The following SLA2 variants were observed in gnomAD, a reference collection of about 807,000 sequenced individuals.
SLA2 encodes the protein Src like adaptor 2, also known as src-like-adapter 2.
Under a neutral mutation model 27.3 loss-of-function variants are expected in SLA2, and 22 were observed. The observed-to-expected ratio is 0.81, with a 90% CI of 0.58 to 1.15. The LOEUF is 1.15. Among genes scored for constraint, SLA2 ranks in the 50% most tolerant of loss-of-function variants. The pLI is 0.00. For missense variants in SLA2, 304 were observed against 322.2 expected, an observed-to-expected ratio of 0.94 and a Z score of 0.43; for synonymous variants, 131 against 137.8, an observed-to-expected ratio of 0.95 and a Z score of 0.34.
Position 36,634,572 on chromosome 20 carries a change from C to T in SLA2, c.109G>A (p.Ala37Thr). The change falls in exon 3 of 8, where the codon GCC becomes ACC. Residue 37 changes from alanine (A) to threonine (T), a missense_variant. Physicochemically the swap from Ala to Thr is moderately conservative, Grantham distance 58. Coordinates refer to ENST00000262866, the MANE Select transcript of SLA2 (RefSeq NM_032214.4). ...TMEAERSKAT[A>T]VALGSFPAGG... ...GCCGGGAAACTGCCCAGGGCCACGG[C>T]TGTGGCCTTGCTTCTCTCTAGATGG... The T allele has an allele frequency of 6.2e-7, 1 of 1,607,884 alleles. No homozygotes were observed. The highest frequency in any genetic ancestry group is 8.5e-7 in the Non-Finnish European group (1 of 1,176,156).
chr20:36,614,798 A>C, intron 6 of SLA2: 2 of 985,394 alleles, frequency 2.0e-6, no homozygotes, highest in Non-Finnish European at 2.4e-6. Flanking sequence ...TTTTCACAAG[A>C]GTGCTCTTCC....
chr20:36,615,411 C>T, intron 5 of SLA2, 37 bp from the exon 6 acceptor site: 1 of 1,611,062 alleles, frequency 6.2e-7, no homozygotes, highest in Non-Finnish European at 8.5e-7. Context: ...CACTGAGGCC[C>T]TGCTGGGACT....
chr20:36,629,350 C>T (rs1051644350), intron 5 of SLA2, among the ~76,000 whole-genome samples: 1 of 150,984 alleles, frequency 6.6e-6, no homozygotes. Context: ...TCATGGATCC[C>T]GCTGGGCGCG....
At position 36,633,538 on chromosome 20, in the gene SLA2, C is replaced by T; in HGVS notation, c.278+5G>A. The T allele has an allele frequency of 1.2e-6, 2 of 1,613,374 alleles. No individual in the cohort carries two copies. Among genetic ancestry groups the T allele is most frequent in the Non-Finnish European group, 1.7e-6 (2 of 1,179,354 alleles). On this transcript the variant is annotated splice_donor_5th_base_variant and intron_variant, in intron 4 of 7. Transcript: ENST00000262866. ...CTGCAAGGCGGGCCTGGGGTGGGAACTCACCCATGGGAGACTTTGGCCACG... is the reference window on the plus strand; with the variant it reads ...CTGCAAGGCGGGCCTGGGGTGGGAATTCACCCATGGGAGACTTTGGCCACG...
intron 2 of SLA2, among the ~76,000 whole-genome samples, chr20:36,636,445 AAAATAC>A (rs1902012433): frequency 6.9e-6 from 1 of 144,252 alleles, no homozygotes; most frequent in Non-Finnish European, 1.5e-5. Context: ...AAAAAAAAAA[AAAATAC>A]AAAATTAGCC....
Position 36,641,267 on chromosome 20 carries a change from C to G in SLA2, c.69G>C (p.Gln23His). 1 of 1,614,060 alleles carries G rather than the reference C, an allele frequency of 6.2e-7. No individual in the cohort carries two copies. Among genetic ancestry groups the G allele is most frequent in the Non-Finnish European group, 8.5e-7 (1 of 1,179,944 alleles). ...TACCTGCTTCCATGGTCACAGGTCCCTGGCCTTGGACAGAGGAACTCAAGC... is the reference window on the plus strand; with the variant it reads ...TACCTGCTTCCATGGTCACAGGTCCGTGGCCTTGGACAGAGGAACTCAAGC... ...SPSLSSSVQG[Q>H]GPVTMEAERS... The change falls in exon 2 of 8, where the codon CAG becomes CAC. Residue 23 changes from glutamine to histidine, a missense_variant. Coordinates refer to ENST00000262866, the MANE Select transcript of SLA2 (RefSeq NM_032214.4).
intron 5 of SLA2, among the ~76,000 whole-genome samples, chr20:36,618,027 G>C (rs1225203070): frequency 7.7e-6 from 1 of 130,450 alleles, no homozygotes; most frequent in Non-Finnish European, 1.6e-5. Context: ...GGCGCCTGTA[G>C]TCCCAGCTAC....
intron 2 of SLA2, among the ~76,000 whole-genome samples, chr20:36,634,863 G>GATAGC: frequency 6.6e-6 from 1 of 151,976 alleles, no homozygotes; most frequent in Non-Finnish European, 1.5e-5. Context: ...CTGCACGTAG[G>GATAGC]CTGAGCGACA....
At position 36,614,732 on chromosome 20, in the gene SLA2, ACTT is replaced by A. The variant is rs1386431562; in HGVS notation, c.533-298_533-296del. 4.0e-5 allele frequency: 39 copies of A among 985,324 alleles called. No individual in the cohort carries two copies. The African/African-American group carries it at 6.1e-4, about 15-fold the overall frequency. The allele number at this position is 985,324 out of a possible 1,614,324, so 61.0% of individuals were successfully genotyped here. The stretch of plus-strand genomic sequence containing the variant: ...AAGAAAGCTAAGGAATGCTCAGTCT[ACTT>A]CTACTCACTGTCTACTTCCACACAG... On this transcript the variant is annotated intron_variant, in intron 6 of 7. Coordinates refer to ENST00000262866, the MANE Select transcript of SLA2 (RefSeq NM_032214.4).
intron 5 of SLA2, among the ~76,000 whole-genome samples, chr20:36,617,367 T>C (rs2039225128): frequency 6.7e-6 from 1 of 149,264 alleles, no homozygotes; most frequent in African/African-American, 2.5e-5. Flanking sequence ...TCCATCTCAA[T>C]TAAAAAAATA....
rs1196565867 is a variant in SLA2, at chr20:36,614,373, G to A, written c.597C>T (p.Leu199=). The A allele has an allele frequency of 1.2e-6, 2 of 1,614,048 alleles. No individual in the cohort carries two copies. Among genetic ancestry groups the A allele is most frequent in the Non-Finnish European group, 1.7e-6 (2 of 1,180,022 alleles). Residue 199 remains leucine, a synonymous_variant, in exon 7 of 8, where the codon CTC becomes CTT. Coordinates refer to ENST00000262866, the MANE Select transcript of SLA2 (RefSeq NM_032214.4). ...CAGGTAGGGGTATATCCTTGCCAGGGAGCGGGCCAGCCCTCTGCAGGACAC... is the reference window on the plus strand; with the variant it reads ...CAGGTAGGGGTATATCCTTGCCAGGAAGCGGGCCAGCCCTCTGCAGGACAC... ...EPCVLQRAGP[L]PGKDIPLPVT...
At chr20:36,636,611 G>GAAAAAAAAA (rs1185102769) in intron 2 of SLA2, among the ~76,000 whole-genome samples, 1 of 73,978 alleles carries the variant, frequency 1.4e-5, no homozygotes, top group Non-Finnish European at 2.5e-5. Context: ...ATCTCAAAAA[G>GAAAAAAAAA]AAAAAAAAAA....
chr20:36,641,200 G>A, intron 2 of SLA2, 45 bp downstream of exon 2: 2 of 1,517,400 alleles, frequency 1.3e-6, no homozygotes, highest in Non-Finnish European at 9.1e-7. Context: ...GTGAAGTCTA[G>A]TACTGTGTGG....
chr20:36,641,096 T>C, intron 2 of SLA2, 149 bp downstream of exon 2: 2 of 638,950 alleles, frequency 3.1e-6, no homozygotes, highest in Admixed American at 2.5e-5. Context: ...GGGACCCTGC[T>C]GTATGGCTCA....
At chr20:36,639,947 A>G (rs940570210) in intron 2 of SLA2, among the ~76,000 whole-genome samples, 5 of 152,194 alleles carry the variant, frequency 3.3e-5, no homozygotes, top group Non-Finnish European at 4.4e-5. Context: ...AGTCAAGACT[A>G]TATTAGAAAA....
chr20:36,637,526 G>A, intron 2 of SLA2, among the ~76,000 whole-genome samples: 1 of 151,200 alleles, frequency 6.6e-6, no homozygotes. Flanking sequence ...TTTGAGCCCA[G>A]TACTCTTGTT....
In SLA2 at chr20:36,615,517, C is replaced by G. The variant is rs537760231; in HGVS notation, c.383-143G>C. On this transcript the variant is annotated intron_variant, in intron 5 of 7. Transcript: ENST00000262866. The stretch of plus-strand genomic sequence containing the variant: ...GGGGCAGAAGCAGGACAAAGACTTG[C>G]TCTCTTGGTCATCAATAATATGTTC... 1.5e-4 allele frequency: 125 copies of G among 835,108 alleles called. 1 individual carries two copies. The African/African-American group carries it at 1.9e-3, about 13-fold the overall frequency. The allele number at this position is 835,108 out of a possible 1,614,324, so 51.7% of individuals were successfully genotyped here.
chr20:36,617,596 G>A (rs1008517458), intron 5 of SLA2, among the ~76,000 whole-genome samples: 6 of 151,154 alleles, frequency 4.0e-5, no homozygotes, highest in Admixed American at 6.6e-5. Flanking sequence ...GGTGGCTCAC[G>A]CCTATAATCC....
intron 5 of SLA2, chr20:36,621,017 AT>A: frequency 2.7e-6 from 1 of 371,878 alleles, no homozygotes; most frequent in Non-Finnish European, 5.3e-6. Flanking sequence ...AGTAGAGGTA[AT>A]TTTGGCTGCA....
Sources: gnomAD v4.1 joint callset for allele counts (sites outside exome capture counted in the v4.1 genomes callset) on GRCh38, gnomAD v4.1.1 for gene constraint, MANE v1.5 for transcripts, NCBI Gene and HGNC (gene_info 2026-07-23, HGNC 2026-07-21) for gene names.